Variants in CARD6 observed in about 807,000 individuals in gnomAD.
The protein encoded by CARD6 is caspase recruitment domain family member 6.
In CARD6, 27 loss-of-function variants were observed where a neutral mutation model predicts 23.6. The ratio of observed to expected loss-of-function variants is 1.14; its 90% CI spans 0.84 to 1.58. CARD6 has a LOEUF of 1.58. CARD6 is among the 40% of genes most tolerant of loss of function. CARD6 has a pLI of 0.00. For missense variants in CARD6, 1,214 were observed against 1,209.9 expected (o/e 1.00, Z -0.05); for synonymous variants, 397 against 431.8 (o/e 0.92, Z 1.00).
intron 2 of CARD6, among the ~76,000 whole-genome samples, chr5:40,849,359 G>C (rs1216708452): frequency 6.6e-6 from 1 of 152,026 alleles, no homozygotes. Flanking sequence ...GTATGAGACA[G>C]GAAAAAGCAG....
At chr5:40,843,107 C>A in intron 1 of CARD6, 45 bp from the exon 2 acceptor site, 1 of 1,337,666 alleles carries the variant, frequency 7.5e-7, no homozygotes, top group Non-Finnish European at 1.0e-6. Flanking sequence ...AGCTGTTATA[C>A]AGCTTCTTTT....
chr5:40,845,928 A>G (rs1455504165), intron 2 of CARD6, among the ~76,000 whole-genome samples: 1 of 151,892 alleles, frequency 6.6e-6, no homozygotes, highest in Admixed American at 6.6e-5. Context: ...GGGTTCACTC[A>G]TGCATCTGTG....
At position 40,852,710 on chromosome 5, in the gene CARD6, C is replaced by CT. The variant is rs757201919; in HGVS notation, c.1379dup (p.Gly461ArgfsTer4). 139 of 1,613,896 alleles carry CT rather than the reference C, an allele frequency of 8.6e-5. No individual in the cohort carries two copies. Among genetic ancestry groups the CT allele is most frequent in the Non-Finnish European group, 1.1e-4 (133 of 1,179,944 alleles). On this transcript the variant is annotated frameshift_variant, in exon 3 of 3. Transcript: ENST00000254691. LOFTEE classifies it low-confidence loss of function (END_TRUNC). ...GATGCCTGTCATCTCTTTTGTGCGT[C>CT]TAGGATACTGTAGCTTCTCTAAGTC...
At position 40,843,725 on chromosome 5, in the gene CARD6, G is replaced by T; in HGVS notation, c.841+16G>T. On this transcript the variant is annotated intron_variant, in intron 2 of 2. Transcript: ENST00000254691. ...AGTATAGAAGGTATGGAAATATCTT[G>T]TATAGTTAGTTAGGCAACAACTTAA... is the stretch of plus-strand genomic sequence containing the variant. 1 of 1,465,766 alleles carries T rather than the reference G, an allele frequency of 6.8e-7. No individual in the cohort carries two copies. The allele number at this position is 1,465,766 out of a possible 1,614,324, so 90.8% of individuals were successfully genotyped here. A position where few individuals can be genotyped will look rare whatever the true frequency, so the allele number is the denominator to read the frequency against.
In CARD6 at chr5:40,843,196, G is replaced by A. The variant is rs145551245; in HGVS notation, c.328G>A (p.Ala110Thr). ...ENTVPPQSMG[A>T]SSNSEDAFSP... ...TACAGTACCTCCTCAATCTATGGGG[G>A]CAAGCAGTAATTCAGAAGATGCTTT... The change falls in exon 2 of 3, where the codon GCA becomes ACA. Residue 110 changes from alanine to threonine, a missense_variant. Ala to Thr is a moderately conservative substitution (Grantham distance 58, BLOSUM62 0). Coordinates refer to ENST00000254691, the MANE Select transcript of CARD6 (RefSeq NM_032587.4). 5.9e-4 allele frequency: 955 copies of A among 1,612,524 alleles called. No homozygotes were observed. The highest frequency in any genetic ancestry group is 1.6e-3 in the Middle Eastern group (10 of 6,070).
intron 2 of CARD6, among the ~76,000 whole-genome samples, chr5:40,851,098 T>A (rs1426571757): frequency 6.6e-6 from 1 of 152,116 alleles, no homozygotes; most frequent in Non-Finnish European, 1.5e-5. Context: ...TTTGGGAGGC[T>A]GAGGCAGGTG....
Position 40,843,139 on chromosome 5 carries a change from C to A in CARD6, c.284-13C>A, listed in dbSNP as rs759807718. 10 of 1,547,218 alleles carry A rather than the reference C, an allele frequency of 6.5e-6. No homozygotes were observed. The highest frequency in any genetic ancestry group is 1.2e-5 in the South Asian group (1 of 80,528). On this transcript the variant is annotated splice_polypyrimidine_tract_variant and intron_variant, in intron 1 of 2. Transcript: ENST00000254691. ...TTTTTCTTAATTGGGAAAAACAATT[C>A]TTTTCTTTGCAGAAGTTTTAAAACA...
rs1745909567 is a variant in CARD6, at chr5:40,843,375, T to C, written c.507T>C (p.Tyr169=). 14 of 1,614,146 alleles carry C rather than the reference T, an allele frequency of 8.7e-6. No homozygotes were observed. Among genetic ancestry groups the C allele is most frequent in the African/African-American group, 1.3e-5 (1 of 75,058 alleles). ...ALSARKNEKE[Y]DTPEVTLSYS... The stretch of plus-strand genomic sequence containing the variant: ...CTGCCAGGAAGAATGAGAAGGAATA[T>C]GACACACCAGAAGTCACATTATCAT... Residue 169 remains tyrosine, a synonymous_variant, in exon 2 of 3, where the codon TAT becomes TAC. Transcript: ENST00000254691.
chr5:40,845,457 T>C (rs756324412), intron 2 of CARD6, among the ~76,000 whole-genome samples: 2 of 152,182 alleles, frequency 1.3e-5, no homozygotes, highest in Non-Finnish European at 2.9e-5. Flanking sequence ...TTTCAACATA[T>C]GAATTTTGTA....
rs1746126011 is a variant in CARD6 at position 40,853,660 on chromosome 5, C to T, written c.2328C>T (p.Ala776=). The T allele has an allele frequency of 6.2e-7, 1 of 1,614,036 alleles. No individual in the cohort carries two copies. Among genetic ancestry groups the T allele is most frequent in the Non-Finnish European group, 8.5e-7 (1 of 1,180,032 alleles). The change falls in exon 3 of 3, where the codon GCC becomes GCT. Residue 776 remains alanine, a synonymous_variant. Transcript: ENST00000254691. ...CTTTGCCTTTTCAGAATGCAGGGGC[C>T]CAGGGCCGAGGTAAAAGTTTTGGTA... ...FHPLPFQNAG[A]QGRGKSFGIQ...
At position 40,852,775 on chromosome 5, in the gene CARD6, A is replaced by T; in HGVS notation, c.1443A>T (p.Lys481Asn). 6.2e-7 allele frequency: 1 copy of T among 1,614,152 alleles called. No individual in the cohort carries two copies. Among genetic ancestry groups the T allele is most frequent in the Non-Finnish European group, 8.5e-7 (1 of 1,180,026 alleles). The change falls in exon 3 of 3, where the codon AAA becomes AAT. Residue 481 changes from lysine (K) to asparagine (N), a missense_variant. By Grantham distance (94) the Lys-to-Asn change is moderately conservative. Transcript: ENST00000254691. ...LNTLLSPAQL[K>N]LHKIFLHQDL... Reference sequence around the variant, plus strand: ...CACTTCTCAGCCCTGCCCAGTTGAAATTACACAAAATCTTTCTTCATCAAG... The same window carrying T: ...CACTTCTCAGCCCTGCCCAGTTGAATTTACACAAAATCTTTCTTCATCAAG...
At position 40,853,528 on chromosome 5, in the gene CARD6, G is replaced by A. The variant is rs1026238756; in HGVS notation, c.2196G>A (p.Trp732Ter). 2 of 1,614,022 alleles carry A rather than the reference G, an allele frequency of 1.2e-6. No homozygotes were observed. The highest frequency in any genetic ancestry group is 1.7e-6 in the Non-Finnish European group (2 of 1,180,008). ...TCAGGCCTGTTCTAGAGAACTCCTG[G>A]CTCTTTCCAACCAGAATTGGAGGTA... ...PVFRPVLENS[W>*]LFPTRIGGNF... Residue 732 changes from tryptophan (W) to a stop codon, truncating the protein, a stop_gained, in exon 3 of 3, where the codon TGG (tryptophan) becomes TGA (stop). Coordinates refer to ENST00000254691, the MANE Select transcript of CARD6 (RefSeq NM_032587.4). LOFTEE classifies it low-confidence loss of function (END_TRUNC).
chr5:40,844,610 C>T (rs1343010225), intron 2 of CARD6, among the ~76,000 whole-genome samples: 1 of 152,138 alleles, frequency 6.6e-6, no homozygotes, highest in East Asian at 1.9e-4. Flanking sequence ...AAACAGACAT[C>T]ACTAAGTTCT....
chr5:40,845,846 C>A (rs1250400354), intron 2 of CARD6, among the ~76,000 whole-genome samples: 5 of 151,654 alleles, frequency 3.3e-5, no homozygotes, highest in African/African-American at 9.7e-5. Context: ...AAAATTCAGT[C>A]ACTTCAAACA....
intron 2 of CARD6, among the ~76,000 whole-genome samples, chr5:40,849,809 T>C (rs1328424951): frequency 1.3e-5 from 2 of 151,890 alleles, no homozygotes; most frequent in Non-Finnish European, 2.9e-5. Flanking sequence ...ACCCTGTCTC[T>C]ACAAAATGAA....
rs1746127273 is a variant in CARD6 at position 40,853,714 on chromosome 5, T to C, written c.2382T>C (p.Tyr794=). 6.2e-7 allele frequency: 1 copy of C among 1,614,088 alleles called. No homozygotes were observed. Reference sequence around the variant, plus strand: ...AATCCTTCCATCCCCAGATATTTTATTCAGGTGAAAGATTCATGAAATTTT... The same window carrying C: ...AATCCTTCCATCCCCAGATATTTTACTCAGGTGAAAGATTCATGAAATTTT... The part of the protein sequence containing the change: ...GIQSFHPQIF[Y]SGERFMKFSR... The change falls in exon 3 of 3, where the codon TAT becomes TAC. Residue 794 remains tyrosine, a synonymous_variant. Coordinates refer to ENST00000254691, the MANE Select transcript of CARD6 (RefSeq NM_032587.4).
rs2112178378 is a variant in CARD6, at chr5:40,853,096, G to A, written c.1764G>A (p.Arg588=). The A allele has an allele frequency of 1.2e-6, 2 of 1,614,178 alleles. No individual in the cohort carries two copies. The highest frequency in any genetic ancestry group is 4.5e-5 in the East Asian group (2 of 44,882). Residue 588 remains arginine, a synonymous_variant, in exon 3 of 3, where the codon AGG becomes AGA. Coordinates refer to ENST00000254691, the MANE Select transcript of CARD6 (RefSeq NM_032587.4). ...RCYFVLSSQA[R]ESEEAQIFQR... ...ACTTTGTTCTCAGTTCCCAAGCCAGGGAGAGTGAAGAGGCTCAAATTTTTC... is the reference window on the plus strand; with the variant it reads ...ACTTTGTTCTCAGTTCCCAAGCCAGAGAGAGTGAAGAGGCTCAAATTTTTC...
chr5:40,847,845 T>C (rs1012235399), intron 2 of CARD6, among the ~76,000 whole-genome samples: 1 of 152,008 alleles, frequency 6.6e-6, no homozygotes, highest in African/African-American at 2.4e-5. Flanking sequence ...CCTGAATCTA[T>C]ACAAAAACTT....
Position 40,853,881 on chromosome 5 carries a change from G to A in CARD6, c.2549G>A (p.Gly850Asp), listed in dbSNP as rs200380836. ...TCTAGGGCAGTAGCCTCCAAGATAGGTCACTCCTATTCCCTGGATTCACAG... is the reference window on the plus strand; with the variant it reads ...TCTAGGGCAGTAGCCTCCAAGATAGATCACTCCTATTCCCTGGATTCACAG... The part of the protein sequence containing the change: ...ERSRAVASKI[G>D]HSYSLDSQPA... Residue 850 changes from glycine (G) to aspartate (D), a missense_variant, in exon 3 of 3, where the codon GGT becomes GAT. Coordinates refer to ENST00000254691, the MANE Select transcript of CARD6 (RefSeq NM_032587.4). 101 of 1,614,030 alleles carry A rather than the reference G, an allele frequency of 6.3e-5. No individual in the cohort carries two copies. The highest frequency in any genetic ancestry group is 8.5e-6 in the Non-Finnish European group (10 of 1,180,048).
Sources: gnomAD v4.1 joint callset for allele counts (sites outside exome capture counted in the v4.1 genomes callset) on GRCh38, gnomAD v4.1.1 for gene constraint, MANE v1.5 for transcripts, NCBI Gene and HGNC (gene_info 2026-07-23, HGNC 2026-07-21) for gene names.